Variants in GAK observed in about 807,000 individuals in gnomAD.
GAK encodes the protein cyclin-G-associated kinase.
A neutral mutation model predicts 143.9 loss-of-function variants in GAK; 79 were observed. That is an observed-to-expected ratio of 0.55 (90% CI 0.46 to 0.66). GAK has a LOEUF of 0.66. Ranked by LOEUF, GAK falls within the 30% of genes least tolerant of loss-of-function variation. The pLI, the probability that GAK is intolerant of heterozygous loss-of-function variation, is 0.00. For synonymous variants in GAK, 881 were observed against 765.5 expected, an observed-to-expected ratio of 1.15 and a Z score of -2.49; for missense variants, 1,693 against 1,779.7, an observed-to-expected ratio of 0.95 and a Z score of 0.88.
chr4:865,372 G>GCCCAGCCTCA, intron 22 of GAK, 128 bp from the exon 23 acceptor site: 2 of 1,164,600 alleles, frequency 1.7e-6, no homozygotes, highest in Non-Finnish European at 2.5e-6. Flanking sequence ...GCTGAGGCTG[G>GCCCAGCCTCA]GCTGACGGCC....
intron 13 of GAK, 129 bp downstream of exon 13, chr4:883,186 C>A: frequency 9.2e-7 from 1 of 1,085,884 alleles, no homozygotes; most frequent in Non-Finnish European, 1.3e-6. Context: ...CCACGCTCTG[C>A]AGCCCCTCAG....
intron 4 of GAK, among the ~76,000 whole-genome samples, chr4:906,362 G>C (rs1721081263): frequency 6.6e-6 from 1 of 152,186 alleles, no homozygotes; most frequent in African/African-American, 2.4e-5. Context: ...CAGTGCCTGT[G>C]CGTGACCCAC....
At chr4:878,672 T>C (rs951678395) in intron 15 of GAK, among the ~76,000 whole-genome samples, 9 of 152,234 alleles carry the variant, frequency 5.9e-5, no homozygotes, top group African/African-American at 1.9e-4. Flanking sequence ...TGTCTGGTTC[T>C]CCTTTCAATT....
At chr4:882,397 C>G (rs548289240) in intron 14 of GAK, among the ~76,000 whole-genome samples, 2 of 152,164 alleles carry the variant, frequency 1.3e-5, no homozygotes, top group African/African-American at 2.4e-5. Context: ...GATCGGGAAA[C>G]TGGAAGTGAC....
At chr4:930,422 C>T (rs962667856) in intron 1 of GAK, among the ~76,000 whole-genome samples, 2 of 151,708 alleles carry the variant, frequency 1.3e-5, no homozygotes, top group Non-Finnish European at 2.9e-5. Flanking sequence ...AAGTGACCCA[C>T]AAGCTTCTTT....
At chr4:909,087 T>C (rs1028753369) in intron 4 of GAK, among the ~76,000 whole-genome samples, 5 of 152,252 alleles carry the variant, frequency 3.3e-5, no homozygotes, top group Non-Finnish European at 5.9e-5. Flanking sequence ...CCTCAAGCGA[T>C]GCACCCGCCT....
At chr4:857,886 C>T (rs940237934) in intron 24 of GAK, among the ~76,000 whole-genome samples, 6 of 152,206 alleles carry the variant, frequency 3.9e-5, no homozygotes, top group African/African-American at 1.4e-4. Context: ...AGCAAGCCCC[C>T]ACGGCTGCGG....
intron 14 of GAK, 150 bp from the exon 15 acceptor site, chr4:882,190 G>A (rs1050850675): frequency 2.1e-5 from 19 of 897,746 alleles, no homozygotes; most frequent in East Asian, 2.7e-5. Flanking sequence ...GCTACATAAC[G>A]TGCCTGCCGA....
intron 15 of GAK, among the ~76,000 whole-genome samples, chr4:878,164 G>A (rs1714373215): frequency 6.6e-6 from 1 of 152,164 alleles, no homozygotes; most frequent in South Asian, 2.1e-4. Flanking sequence ...GCCAAGGCAG[G>A]TGGATCACAA....
intron 1 of GAK, among the ~76,000 whole-genome samples, chr4:923,979 G>A (rs1320258690): frequency 1.3e-5 from 2 of 152,056 alleles, no homozygotes; most frequent in African/African-American, 4.8e-5. Context: ...GAGGTCAGGA[G>A]TTTGAGACCA....
chr4:866,229 C>T (rs1240805010), intron 22 of GAK, 135 bp downstream of exon 22: 17 of 843,554 alleles, frequency 2.0e-5, no homozygotes, highest in East Asian at 2.6e-5. Context: ...ATGCTTGGGC[C>T]GCAAGGAGCG....
chr4:884,401 T>C (rs1715828634), intron 11 of GAK: 1 of 329,160 alleles, frequency 3.0e-6, no homozygotes, highest in Non-Finnish European at 5.7e-6. Flanking sequence ...GGCCCAGGAG[T>C]GGGCTGGGAG....
chr4:925,856 C>T (rs1161434050), intron 1 of GAK, among the ~76,000 whole-genome samples: 6 of 152,216 alleles, frequency 3.9e-5, no homozygotes, highest in South Asian at 2.1e-4. Context: ...CAGTGTACGA[C>T]GTTCTGTTAC....
chr4:870,115 C>T (rs1712222974), intron 19 of GAK, among the ~76,000 whole-genome samples: 1 of 152,186 alleles, frequency 6.6e-6, no homozygotes. Context: ...ACGGCACACA[C>T]CACCCACGGA....
In GAK at chr4:911,687, G is replaced by A; in HGVS notation, c.368C>T (p.Thr123Ile). ...DTGQAEFLLL[T>I]ELCKGQLVEF... ...CAGGACGTTACCTTTACAGAGCTCT[G>A]TGAGCAAGAGGAACTCAGCCTGCCC... The change falls in exon 4 of 28, where the codon ACA becomes ATA. Residue 123 changes from threonine to isoleucine, a missense_variant. This residue lies in a region of GAK where 871 missense variants were observed against 991.0 expected (regional missense o/e 0.88). Transcript: ENST00000314167. 1 of 1,613,328 alleles carries A rather than the reference G, an allele frequency of 6.2e-7. No individual in the cohort carries two copies.
Position 932,203 on chromosome 4 carries a change from G to C in GAK, c.-16C>G. ...GCAGCGACATGGCGGTGGCTGCGCCGCACCCCGCGGCAGCCGGAGTGGTCG... is the reference window on the plus strand; with the variant it reads ...GCAGCGACATGGCGGTGGCTGCGCCCCACCCCGCGGCAGCCGGAGTGGTCG... On this transcript the variant is annotated 5_prime_UTR_variant, in exon 1 of 28. Coordinates refer to ENST00000314167, the MANE Select transcript of GAK (RefSeq NM_005255.4). The surrounding 1 kb of genome is among the most constrained non-coding windows in gnomAD (Gnocchi z 4.0). 1 of 1,519,288 alleles carries C rather than the reference G, an allele frequency of 6.6e-7. No homozygotes were observed. The highest frequency in any genetic ancestry group is 8.8e-7 in the Non-Finnish European group (1 of 1,136,928). 94.1% of individuals were successfully genotyped at this position (1,519,288 alleles called of 1,614,324 possible).
At chr4:891,570 G>A (rs773340015) in intron 9 of GAK, among the ~76,000 whole-genome samples, 37 of 152,020 alleles carry the variant, frequency 2.4e-4, no homozygotes, top group Non-Finnish European at 4.3e-4. Flanking sequence ...ACGGGGTCCC[G>A]GCCTAGAAGC....
chr4:927,891 G>C (rs1178650599), intron 1 of GAK, among the ~76,000 whole-genome samples: 2 of 152,232 alleles, frequency 1.3e-5, no homozygotes, highest in African/African-American at 4.8e-5. Context: ...AAAGAAGCAA[G>C]GATGACAGAA....
chr4:925,195 A>G (rs1008660122), intron 1 of GAK, among the ~76,000 whole-genome samples: 11 of 152,176 alleles, frequency 7.2e-5, no homozygotes, highest in Non-Finnish European at 1.6e-4. Flanking sequence ...CACTTTTTAA[A>G]CCCATCAAAA....
Sources: allele counts gnomAD v4.1 joint callset (sites outside exome capture counted in the v4.1 genomes callset), GRCh38; gene constraint gnomAD v4.1.1; regional missense constraint gnomAD v4.1.1; non-coding constraint Gnocchi (gnomAD v3.1); transcripts MANE v1.5; gene names NCBI Gene and HGNC (gene_info 2026-07-23, HGNC 2026-07-21).